The following ZNF705A variants were observed in gnomAD, a reference collection of about 807,000 sequenced individuals.
ZNF705A encodes zinc finger protein 705A.
In ZNF705A, 8 loss-of-function variants were observed where a neutral mutation model predicts 16.6. The ratio of observed to expected loss-of-function variants is 0.48; its 90% CI spans 0.28 to 0.87. ZNF705A has a LOEUF of 0.87. Among genes scored for constraint, ZNF705A ranks in the 40% least tolerant of loss-of-function variants. The pLI, the probability that ZNF705A is intolerant of heterozygous loss-of-function variation, is 0.10. For synonymous variants in ZNF705A, 73 were observed against 117.3 expected (o/e 0.62, Z 2.44); for missense variants, 233 against 359.9 (o/e 0.65, Z 2.85).
chr12:8,169,103 A>T (rs981596804), upstream of ZNF705A, among the ~76,000 whole-genome samples: 34 of 152,062 alleles, frequency 2.2e-4, no homozygotes, highest in African/African-American at 6.8e-4. Context: ...ATTTTAATTT[A>T]ATTTTATTTT....
At chr12:8,176,734 C>A (rs986840035) in intron 4 of ZNF705A, among the ~76,000 whole-genome samples, 6 of 151,930 alleles carry the variant, frequency 3.9e-5, no homozygotes, top group Admixed American at 3.9e-4. Context: ...ATGGGGGAGG[C>A]GTGTAGCTTT....
At chr12:8,176,135 A>C (rs772261684) in intron 4 of ZNF705A, among the ~76,000 whole-genome samples, 193 bp downstream of exon 5, 1 of 152,252 alleles carries the variant, frequency 6.6e-6, no homozygotes, top group African/African-American at 2.4e-5. Context: ...GATCTCTAAA[A>C]TAGAACAAGT....
intron 1 of ZNF705A, among the ~76,000 whole-genome samples, chr12:8,166,223 G>A (rs968412683): frequency 6.6e-6 from 1 of 152,202 alleles, no homozygotes; most frequent in African/African-American, 2.4e-5. Flanking sequence ...CTGCATTGCT[G>A]TAGTAGACAT....
chr12:8,175,015 A>T (rs1280830367), intron 2 of ZNF705A, among the ~76,000 whole-genome samples: 6 of 152,218 alleles, frequency 3.9e-5, no homozygotes, highest in African/African-American at 1.4e-4. Flanking sequence ...GACTGTTTTG[A>T]ATTTCCTTTT....
intron 1 of ZNF705A, among the ~76,000 whole-genome samples, chr12:8,158,347 T>C (rs780478597): frequency 6.6e-6 from 1 of 152,168 alleles, no homozygotes; most frequent in South Asian, 2.1e-4. Context: ...ATGTGGATTA[T>C]ATTTTTCTTT....
At chr12:8,160,656 T>G (rs1948347092) in intron 1 of ZNF705A, among the ~76,000 whole-genome samples, 1 of 152,008 alleles carries the variant, frequency 6.6e-6, no homozygotes. Context: ...GAAGAGCTAC[T>G]GATTTTTGTA....
intron 1 of ZNF705A, among the ~76,000 whole-genome samples, chr12:8,172,918 CT>C (rs1307024063): frequency 2.0e-5 from 3 of 152,156 alleles, no homozygotes; most frequent in African/African-American, 7.2e-5. Flanking sequence ...ATTCCAGCCC[CT>C]ATTAAGGCTA....
At chr12:8,162,183 T>G (rs1346980434) in intron 1 of ZNF705A, among the ~76,000 whole-genome samples, 2 of 152,244 alleles carry the variant, frequency 1.3e-5, no homozygotes, top group African/African-American at 2.4e-5. Context: ...AGAAGACACC[T>G]TTTTGTAGAT....
intron 1 of ZNF705A, among the ~76,000 whole-genome samples, chr12:8,173,269 T>G (rs1334385838): frequency 6.6e-6 from 1 of 152,264 alleles, no homozygotes; most frequent in African/African-American, 2.4e-5. Context: ...CCCATTCATT[T>G]TACCTTTTGG....
At chr12:8,163,966 G>A (rs769534672) in intron 1 of ZNF705A, among the ~76,000 whole-genome samples, 40 of 152,152 alleles carry the variant, frequency 2.6e-4, no homozygotes, top group Admixed American at 2.4e-3. Flanking sequence ...TATTTAAGGT[G>A]TGCATCTCAG....
chr12:8,179,510 C>G (rs1948514946), exon 5 of ZNF705A: 1 of 152,198 alleles, frequency 6.6e-6, no homozygotes, highest in African/African-American at 2.4e-5. Context: ...TCCTGAATAT[C>G]AAGTGGGATG....
At chr12:8,168,086 T>G (rs1459618713), upstream of ZNF705A, among the ~76,000 whole-genome samples, 4 of 152,200 alleles carry the variant, frequency 2.6e-5, no homozygotes, top group African/African-American at 4.8e-5. Flanking sequence ...ATCTGAAGCT[T>G]TCTTTCCTTT....
intron 1 of ZNF705A, among the ~76,000 whole-genome samples, chr12:8,160,314 TTTGGTTTCATATGAATTTTAG>T: frequency 6.6e-6 from 1 of 152,156 alleles, no homozygotes; most frequent in Non-Finnish European, 1.5e-5. Context: ...CAGGCTCCTT[TTTGGTTTCATATGAATTTTAG>T]AATTGTTTTT....
At chr12:8,170,189 C>T (rs910412097), upstream of ZNF705A, among the ~76,000 whole-genome samples, 5 of 125,912 alleles carry the variant, frequency 4.0e-5, 1 homozygote, top group Middle Eastern at 3.9e-3. Flanking sequence ...AACTCTCCCC[C>T]CCCCCCCAAA....
At chr12:8,172,365 T>C (rs917840620), upstream of ZNF705A, among the ~76,000 whole-genome samples, 4 of 152,006 alleles carry the variant, frequency 2.6e-5, no homozygotes, top group African/African-American at 9.7e-5. Flanking sequence ...TCCTTCTTTA[T>C]TAGCAACCAT....
At chr12:8,159,367 T>C (rs1270141859) in intron 1 of ZNF705A, among the ~76,000 whole-genome samples, 1 of 152,186 alleles carries the variant, frequency 6.6e-6, no homozygotes, top group African/African-American at 2.4e-5. Context: ...ATAGTTCTAC[T>C]TTTAGTTCTT....
At chr12:8,162,963 C>G (rs775179252) in intron 1 of ZNF705A, among the ~76,000 whole-genome samples, 8 of 152,266 alleles carry the variant, frequency 5.3e-5, no homozygotes, top group African/African-American at 1.7e-4. Flanking sequence ...ACTGTATGAA[C>G]TTCTTGCTTG....
chr12:8,164,868 G>T lies in ZNF705A; in HGVS notation c.-71-7687G>T, dbSNP rs772535475. Among the ~76,000 whole-genome samples the T allele has an allele frequency of 5.3e-5, 8 of 152,268 alleles. No individual in the cohort carries two copies. In the South Asian group the frequency reaches 8.3e-4, roughly 16 times the overall value. On this transcript the variant is annotated intron_variant, in intron 1 of 5. Coordinates refer to the ZNF705A transcript ENST00000396570. ...ATATACCTAGTAATGGGATTGCTGGGTCAAGTGGTATTTCTGGTTGTAGGT... is the reference window on the plus strand; with the variant it reads ...ATATACCTAGTAATGGGATTGCTGGTTCAAGTGGTATTTCTGGTTGTAGGT...
intron 1 of ZNF705A, among the ~76,000 whole-genome samples, chr12:8,161,432 T>A (rs1163367408): frequency 6.6e-6 from 1 of 151,892 alleles, no homozygotes; most frequent in African/African-American, 2.4e-5. Context: ...TCATCTGGAC[T>A]TTTTTTTGTT....
Sources: allele counts gnomAD v4.1 joint callset (sites outside exome capture counted in the v4.1 genomes callset), GRCh38; gene constraint gnomAD v4.1.1; transcripts MANE v1.5; gene names NCBI Gene and HGNC (gene_info 2026-07-23, HGNC 2026-07-21).